Variants in MIPOL1 observed in about 807,000 individuals in gnomAD.
MIPOL1 encodes the protein mirror-image polydactyly gene 1 protein.
Under a neutral mutation model 60.9 loss-of-function variants are expected in MIPOL1, and 57 were observed. The observed-to-expected ratio is 0.94, with a 90% CI of 0.76 to 1.17. The LOEUF is 1.17. Among genes scored for constraint, MIPOL1 ranks in the 50% most tolerant of loss-of-function variants. The pLI is 0.00. For missense variants in MIPOL1, 551 were observed against 511.6 expected (o/e 1.08, Z -0.74); for synonymous variants, 179 against 168.8 (o/e 1.06, Z -0.47).
chr14:37,433,625 A>G (rs1196798724), intron 11 of MIPOL1, among the ~76,000 whole-genome samples: 1 of 152,064 alleles, frequency 6.6e-6, no homozygotes, highest in South Asian at 2.1e-4. Flanking sequence ...GCGTGATCTC[A>G]GCTCACTGCA....
At chr14:37,424,316 C>T (rs1030672129) in intron 11 of MIPOL1, among the ~76,000 whole-genome samples, 8 of 152,086 alleles carry the variant, frequency 5.3e-5, no homozygotes, top group Non-Finnish European at 1.0e-4. Flanking sequence ...CTCTAATCCA[C>T]TACTAGTGGT....
Position 37,500,158 on chromosome 14 carries a change from A to T in MIPOL1, c.1262+20A>T. Reference sequence around the variant, plus strand: ...TCAAAAGTAAGTTAAATGATCTTGTAATAATACTTCAAACACATGAAACAA... The same window carrying T: ...TCAAAAGTAAGTTAAATGATCTTGTTATAATACTTCAAACACATGAAACAA... On this transcript the variant is annotated intron_variant, in intron 12 of 12. Transcript: ENST00000684589. The T allele has an allele frequency of 6.7e-7, 1 of 1,482,206 alleles. No homozygotes were observed. 91.8% of individuals were successfully genotyped at this position (1,482,206 alleles called of 1,614,324 possible). A position where few individuals can be genotyped will look rare whatever the true frequency, so the allele number is the denominator to read the frequency against.
chr14:37,328,462 T>G (rs956441852), intron 9 of MIPOL1, among the ~76,000 whole-genome samples: 4 of 152,158 alleles, frequency 2.6e-5, no homozygotes, highest in East Asian at 1.9e-4. Context: ...TCTTAAAAGT[T>G]TTATTATATG....
At chr14:37,292,068 G>T (rs1160441587) in intron 7 of MIPOL1, among the ~76,000 whole-genome samples, 2 of 151,892 alleles carry the variant, frequency 1.3e-5, no homozygotes, top group Non-Finnish European at 2.9e-5. Flanking sequence ...TGGGGCTACA[G>T]GCGCCTGCCA....
At chr14:37,324,327 C>T (rs2088921531) in intron 9 of MIPOL1, among the ~76,000 whole-genome samples, 2 of 151,952 alleles carry the variant, frequency 1.3e-5, no homozygotes, top group African/African-American at 4.8e-5. Flanking sequence ...CTGTTGTGAA[C>T]TTTTTCAGAT....
intron 11 of MIPOL1, among the ~76,000 whole-genome samples, chr14:37,440,426 T>A (rs564239514): frequency 6.6e-6 from 1 of 152,210 alleles, no homozygotes; most frequent in East Asian, 1.9e-4. Context: ...ACCCCCTTTG[T>A]ACCCCCTCAC....
At chr14:37,361,283 A>G (rs1238489182) in intron 9 of MIPOL1, among the ~76,000 whole-genome samples, 2 of 152,168 alleles carry the variant, frequency 1.3e-5, no homozygotes, top group Non-Finnish European at 2.9e-5. Context: ...ACTGAGAAGA[A>G]TATGTATTCT....
intron 12 of MIPOL1, among the ~76,000 whole-genome samples, chr14:37,522,714 C>T (rs922702992): frequency 1.3e-5 from 2 of 152,028 alleles, no homozygotes; most frequent in Admixed American, 6.6e-5. Context: ...ACTCTGAAAA[C>T]GTTTGAATTT....
At chr14:37,516,532 T>C (rs946044381) in intron 12 of MIPOL1, among the ~76,000 whole-genome samples, 1 of 152,196 alleles carries the variant, frequency 6.6e-6, no homozygotes, top group Admixed American at 6.5e-5. Context: ...AATTAAAATT[T>C]AGTTCAAATG....
intron 11 of MIPOL1, among the ~76,000 whole-genome samples, chr14:37,441,821 T>A (rs899460946): frequency 8.5e-5 from 13 of 152,284 alleles, no homozygotes; most frequent in African/African-American, 2.9e-4. Flanking sequence ...GGTGTTTTCA[T>A]AGGGCCTGCT....
In MIPOL1 at chr14:37,547,761, C is replaced by G. The variant is rs1342737688; in HGVS notation, c.*790C>G. ...TCATTTTTGCTTGAAAATTAGCATGCCTCTGTCTTAAAAGAGACCATCAAA... is the reference window on the plus strand; with the variant it reads ...TCATTTTTGCTTGAAAATTAGCATGGCTCTGTCTTAAAAGAGACCATCAAA... On this transcript the variant is annotated 3_prime_UTR_variant, in exon 13 of 13. Coordinates refer to ENST00000684589, the MANE Select transcript of MIPOL1 (RefSeq NM_001388067.1). The G allele has an allele frequency of 1.3e-5, 2 of 152,080 alleles. No homozygotes were observed. Among genetic ancestry groups the G allele is most frequent in the Non-Finnish European group, 1.5e-5 (1 of 67,870 alleles). The allele number at this position is 152,080 out of a possible 1,614,324, so 9.4% of individuals were successfully genotyped here. A position where few individuals can be genotyped will look rare whatever the true frequency, so the allele number is the denominator to read the frequency against.
At chr14:37,492,975 C>T (rs1594701760) in intron 11 of MIPOL1, among the ~76,000 whole-genome samples, 2 of 151,996 alleles carry the variant, frequency 1.3e-5, no homozygotes, top group Admixed American at 6.6e-5. Flanking sequence ...TATTGTTGTA[C>T]CTCATCTCTA....
chr14:37,258,655 G>T (rs1156915220), intron 3 of MIPOL1, among the ~76,000 whole-genome samples: 2 of 152,104 alleles, frequency 1.3e-5, no homozygotes, highest in East Asian at 3.9e-4. Context: ...TAAGCTGTAG[G>T]ATATTACGCT....
At chr14:37,495,841 C>G (rs978164360) in intron 11 of MIPOL1, among the ~76,000 whole-genome samples, 1 of 151,588 alleles carries the variant, frequency 6.6e-6, no homozygotes, top group African/African-American at 2.4e-5. Context: ...GAGATGGTAT[C>G]TCATTGTGGT....
intron 1 of MIPOL1, among the ~76,000 whole-genome samples, chr14:37,200,187 A>G (rs1965001969): frequency 6.6e-6 from 1 of 152,214 alleles, no homozygotes. Context: ...TCAGCTAACC[A>G]AGTAATGTGT....
intron 1 of MIPOL1, among the ~76,000 whole-genome samples, chr14:37,201,281 C>T (rs1965299251): frequency 6.6e-6 from 1 of 152,008 alleles, no homozygotes; most frequent in African/African-American, 2.4e-5. Flanking sequence ...TTTGGTTTAC[C>T]AGTTTTACCT....
chr14:37,379,708 T>C (rs1309747032), intron 10 of MIPOL1, among the ~76,000 whole-genome samples: 2 of 152,076 alleles, frequency 1.3e-5, no homozygotes, highest in Non-Finnish European at 2.9e-5. Flanking sequence ...TTTCAGTTCA[T>C]TGGTGGTAGT....
chr14:37,338,349 A>G (rs1465850278), intron 9 of MIPOL1, among the ~76,000 whole-genome samples: 1 of 150,420 alleles, frequency 6.6e-6, no homozygotes, highest in African/African-American at 2.4e-5. Flanking sequence ...TGACCTCATG[A>G]TCCGCTCGCC....
At position 37,547,762 on chromosome 14, in the gene MIPOL1, C is replaced by G. The variant is rs995521589; in HGVS notation, c.*791C>G. On this transcript the variant is annotated 3_prime_UTR_variant, in exon 13 of 13. Transcript: ENST00000684589. ...CATTTTTGCTTGAAAATTAGCATGC[C>G]TCTGTCTTAAAAGAGACCATCAAAC... 1.3e-5 allele frequency: 2 copies of G among 152,084 alleles called. No individual in the cohort carries two copies. Among genetic ancestry groups the G allele is most frequent in the African/African-American group, 4.8e-5 (2 of 41,346 alleles). 9.4% of individuals were successfully genotyped at this position (152,084 alleles called of 1,614,324 possible).
Sources: gnomAD v4.1 joint callset for allele counts (sites outside exome capture counted in the v4.1 genomes callset) on GRCh38, gnomAD v4.1.1 for gene constraint, MANE v1.5 for transcripts, NCBI Gene and HGNC (gene_info 2026-07-23, HGNC 2026-07-21) for gene names.